DOCK10: variants seen among roughly 807,000 people sequenced by gnomAD.
DOCK10 encodes the protein dedicator of cytokinesis 10.
Under a neutral mutation model 280.1 loss-of-function variants are expected in DOCK10, and 145 were observed. The ratio of observed to expected loss-of-function variants is 0.52; its 90% confidence interval spans 0.45 to 0.59. The LOEUF (loss-of-function observed/expected upper bound fraction) is 0.59. DOCK10 is among the 20% of genes least tolerant of loss of function. The pLI is 0.00. For missense variants in DOCK10, 2,368 were observed against 2,651.7 expected (o/e 0.89, Z 2.35); for synonymous variants, 915 against 942.2 (o/e 0.97, Z 0.53).
At chr2:225,033,344 G>A (rs572541980) in intron 1 of DOCK10, among the ~76,000 whole-genome samples, 7 of 151,994 alleles carry the variant, frequency 4.6e-5, no homozygotes, top group East Asian at 1.9e-4. Flanking sequence ...CACCACGCCC[G>A]GCTAATTTTT....
chr2:224,920,325 C>T (rs1254736362), intron 2 of DOCK10, among the ~76,000 whole-genome samples: 1 of 151,116 alleles, frequency 6.6e-6, no homozygotes, highest in Non-Finnish European at 1.5e-5. Flanking sequence ...CTGCCTGTCT[C>T]GGCTTCTCAA....
In DOCK10 at chr2:225,014,139, A is replaced by G. The variant is rs186348498; in HGVS notation, c.123+28113T>C. On this transcript the variant is annotated intron_variant, in intron 1 of 55. Transcript: ENST00000258390. ...AATACAGGTTAAAAACTCATCAGAA[A>G]CAAAATGCCTTTAGCTGAATCAAAA... is the stretch of plus-strand genomic sequence containing the variant. Among the ~76,000 whole-genome samples, 238 of 148,574 alleles carry G rather than the reference A, an allele frequency of 1.6e-3. 3 individuals carry two copies. Among genetic ancestry groups the G allele is most frequent in the Middle Eastern group, 0.011 (3 of 276 alleles).
At chr2:224,875,957 T>A (rs1252349722) in intron 8 of DOCK10, 81 bp downstream of exon 8, 8 of 1,427,094 alleles carry the variant, frequency 5.6e-6, no homozygotes, top group East Asian at 2.3e-5. Flanking sequence ...AGACAGCAAC[T>A]ACAATGCCTA....
chr2:224,945,593 T>G (rs1166094028), intron 1 of DOCK10, among the ~76,000 whole-genome samples: 1 of 152,052 alleles, frequency 6.6e-6, no homozygotes, highest in Non-Finnish European at 1.5e-5. Context: ...GTCAACTAAT[T>G]GTTAGTATAA....
Position 224,787,348 on chromosome 2 carries a change from G to A in DOCK10, c.5468C>T (p.Ser1823Phe). ...LYMCVEFLWK[S>F]ERYELIADVN... ...ATCAGCAATGAGTTCATATCGCTCAGACTTCCAGAGAAACTCCACACACAT... is the reference window on the plus strand; with the variant it reads ...ATCAGCAATGAGTTCATATCGCTCAAACTTCCAGAGAAACTCCACACACAT... Residue 1823 changes from serine (S) to phenylalanine (F), a missense_variant, in exon 49 of 56, where the codon TCT (serine) becomes TTT (phenylalanine). By Grantham distance (155) the Ser-to-Phe change is radical (BLOSUM62 -2). Around this residue, in one of 2 missense-constraint regions of DOCK10, gnomAD observed 1,159 missense variants for 1,400.8 expected, o/e 0.83. Coordinates refer to ENST00000258390, the MANE Select transcript of DOCK10 (RefSeq NM_014689.3). 1 of 1,613,938 alleles carries A rather than the reference G, an allele frequency of 6.2e-7. No individual in the cohort carries two copies. Among genetic ancestry groups the A allele is most frequent in the South Asian group, 1.1e-5 (1 of 91,080 alleles).
intron 11 of DOCK10, among the ~76,000 whole-genome samples, chr2:224,870,860 T>C (rs1698233863): frequency 7.5e-6 from 1 of 134,224 alleles, no homozygotes; most frequent in South Asian, 2.7e-4. Context: ...GGAGTCTCAC[T>C]GTGTCACCCA....
At chr2:224,917,431 T>G (rs750834882) in intron 2 of DOCK10, among the ~76,000 whole-genome samples, 11 of 152,182 alleles carry the variant, frequency 7.2e-5, no homozygotes, top group Admixed American at 1.3e-4. Context: ...GAAGAAAACT[T>G]ACAAAGTCAG....
chr2:224,801,284 A>AAAC (rs1692980897), intron 40 of DOCK10, among the ~76,000 whole-genome samples: 1 of 80,282 alleles, frequency 1.2e-5, no homozygotes, highest in African/African-American at 3.4e-5. Flanking sequence ...AGACATGGCA[A>AAAC]AAAAAAAAAA....
intron 2 of DOCK10, among the ~76,000 whole-genome samples, chr2:224,928,084 C>T (rs896643825): frequency 2.0e-5 from 3 of 152,182 alleles, no homozygotes; most frequent in African/African-American, 7.2e-5. Flanking sequence ...GACATGCTTG[C>T]TGACTGCATG....
intron 1 of DOCK10, among the ~76,000 whole-genome samples, chr2:224,974,746 AT>A (rs1705302708): frequency 7.0e-6 from 1 of 142,882 alleles, no homozygotes; most frequent in Non-Finnish European, 1.5e-5. Flanking sequence ...CCACAGTATG[AT>A]TTCCCCCAAA....
chr2:225,038,618 T>G (rs1263074042), intron 1 of DOCK10, among the ~76,000 whole-genome samples: 2 of 152,188 alleles, frequency 1.3e-5, no homozygotes, highest in African/African-American at 2.4e-5. Flanking sequence ...TCCGGCAGGA[T>G]GCTTTCTCTT....
chr2:224,911,255 G>C (rs1274535392), intron 3 of DOCK10, among the ~76,000 whole-genome samples: 40 of 152,064 alleles, frequency 2.6e-4, no homozygotes, highest in Admixed American at 2.5e-3. Flanking sequence ...TTCCCCCAAG[G>C]AGCAATAATA....
intron 1 of DOCK10, among the ~76,000 whole-genome samples, chr2:224,950,386 G>GTATTGT (rs1405563418): frequency 4.4e-4 from 67 of 152,206 alleles, no homozygotes; most frequent in African/African-American, 1.6e-3. Flanking sequence ...TGTGAGGTAA[G>GTATTGT]TATTGTTATC....
intron 1 of DOCK10, among the ~76,000 whole-genome samples, chr2:224,946,435 T>A (rs571928097): frequency 2.0e-5 from 3 of 152,310 alleles, no homozygotes; most frequent in African/African-American, 7.2e-5. Context: ...TAGTGGCATA[T>A]GATAAAATAG....
intron 50 of DOCK10, among the ~76,000 whole-genome samples, chr2:224,785,903 A>G (rs1175815907): frequency 6.6e-6 from 1 of 152,200 alleles, no homozygotes; most frequent in African/African-American, 2.4e-5. Flanking sequence ...AACCTTAAGA[A>G]CAAGAAGCTG....
Position 225,042,211 on chromosome 2 carries a change from C to A in DOCK10, c.123+41G>T. ...GCTGGGCTCCGTTCCCCCCGGGCGCCTGGGGCGCGCGGGAAGGCGCGGAGG... is the reference window on the plus strand; with the variant it reads ...GCTGGGCTCCGTTCCCCCCGGGCGCATGGGGCGCGCGGGAAGGCGCGGAGG... On this transcript the variant is annotated intron_variant, in intron 1 of 55. Transcript: ENST00000258390. The surrounding 1 kb of genome is among the most constrained non-coding windows in gnomAD (Gnocchi z 5.1). The A allele has an allele frequency of 8.1e-7, 1 of 1,235,018 alleles. No individual in the cohort carries two copies. The allele number at this position is 1,235,018 out of a possible 1,614,324, so 76.5% of individuals were successfully genotyped here.
intron 3 of DOCK10, among the ~76,000 whole-genome samples, chr2:224,907,969 A>G (rs1700760475): frequency 6.6e-6 from 1 of 152,200 alleles, no homozygotes; most frequent in Non-Finnish European, 1.5e-5. Context: ...GGTCAAATAC[A>G]TTTTAGAAAT....
In DOCK10 at chr2:224,864,577, A is replaced by G. The variant is rs752143103; in HGVS notation, c.1578T>C (p.Tyr526=). Residue 526 remains tyrosine, a synonymous_variant, in exon 13 of 56, where the codon TAT becomes TAC. Transcript: ENST00000258390. ...MGNIASGAEP[Y]IKNPDSNKYA... ...CCTTGTTGGAGTCTGGGTTCTTAAT[A>G]TAAGGTTCGGCACCACTTGCAATGT... is the stretch of plus-strand genomic sequence containing the variant. 2.5e-6 allele frequency: 4 copies of G among 1,605,920 alleles called. No individual in the cohort carries two copies. Among genetic ancestry groups the G allele is most frequent in the Middle Eastern group, 1.7e-4 (1 of 6,042 alleles).
chr2:224,959,329 A>C (rs1299952526), intron 1 of DOCK10, among the ~76,000 whole-genome samples: 2 of 152,188 alleles, frequency 1.3e-5, no homozygotes, highest in African/African-American at 4.8e-5. Flanking sequence ...CTTTTTTTAA[A>C]AAAACTCTAA....
Sources: allele counts gnomAD v4.1 joint callset (sites outside exome capture counted in the v4.1 genomes callset), GRCh38; gene constraint gnomAD v4.1.1; regional missense constraint gnomAD v4.1.1; non-coding constraint Gnocchi (gnomAD v3.1); transcripts MANE v1.5; gene names NCBI Gene and HGNC (gene_info 2026-07-23, HGNC 2026-07-21).